Variants in MLPH observed in about 807,000 individuals in gnomAD.
MLPH encodes melanophilin.
In MLPH, 51 loss-of-function variants were observed where a neutral mutation model predicts 72.1. The observed-to-expected ratio is 0.71, with a 90% CI of 0.56 to 0.89. The LOEUF (loss-of-function observed/expected upper bound fraction) is 0.89, where lower values mean the gene tolerates loss of function less well. Ranked by LOEUF, MLPH falls within the 40% of genes least tolerant of loss-of-function variation. The probability of loss-of-function intolerance (pLI) is 0.00; values close to 1 mark genes in which losing one functional copy is unlikely to be tolerated. For synonymous variants in MLPH, 301 were observed against 310.1 expected, an observed-to-expected ratio of 0.97 and a Z score of 0.31; for missense variants, 743 against 759.9, an observed-to-expected ratio of 0.98 and a Z score of 0.26.
At chr2:237,501,469 A>G (rs1430960390) in intron 2 of MLPH, among the ~76,000 whole-genome samples, 6 of 151,964 alleles carry the variant, frequency 3.9e-5, no homozygotes, top group Non-Finnish European at 8.8e-5. Flanking sequence ...GTATTGGTGT[A>G]TTGTCTCGTA....
At chr2:237,546,734 G>T (rs763796207) in intron 13 of MLPH, 51 bp downstream of exon 13, 1 of 1,496,728 alleles carries the variant, frequency 6.7e-7, no homozygotes, top group Non-Finnish European at 9.3e-7. Flanking sequence ...GTGGAAGACT[G>T]CACCCCTTTC....
At chr2:237,538,521 G>A (rs192279754) in intron 9 of MLPH, among the ~76,000 whole-genome samples, 46 of 152,330 alleles carry the variant, frequency 3.0e-4, no homozygotes, top group African/African-American at 1.1e-3. Context: ...AGAATCGGCA[G>A]CAGTCCATGC....
intron 8 of MLPH, among the ~76,000 whole-genome samples, chr2:237,530,633 C>G (rs1050745694): frequency 6.6e-6 from 1 of 152,216 alleles, no homozygotes; most frequent in African/African-American, 2.4e-5. Flanking sequence ...AAGAAGCACT[C>G]TTGCCCCTGA....
At chr2:237,536,879 G>A (rs1373302424) in intron 9 of MLPH, among the ~76,000 whole-genome samples, 4 of 152,166 alleles carry the variant, frequency 2.6e-5, no homozygotes, top group South Asian at 2.1e-4. Flanking sequence ...AGCCACCCTC[G>A]CTCTGGCTCT....
At chr2:237,552,093 G>A (rs1468405390) in intron 14 of MLPH, 1 of 488,336 alleles carries the variant, frequency 2.0e-6, no homozygotes, top group Non-Finnish European at 3.7e-6. Context: ...GGATTTCCAG[G>A]GCCACAGTGA....
chr2:237,504,417 C>T (rs1206690002), intron 2 of MLPH, among the ~76,000 whole-genome samples: 1 of 152,036 alleles, frequency 6.6e-6, no homozygotes, highest in Non-Finnish European at 1.5e-5. Context: ...GGGGATTCAC[C>T]ATGTTGGCCA....
At chr2:237,518,117 G>T (rs2080090924) in intron 4 of MLPH, 1 of 322,930 alleles carries the variant, frequency 3.1e-6, no homozygotes, top group Non-Finnish European at 6.0e-6. Flanking sequence ...GGATGAAGGA[G>T]GGATGGAGGG....
rs1574849765 is a variant in MLPH at position 237,510,598 on chromosome 2, G to A, written c.135G>A (p.Lys45=). The A allele has an allele frequency of 6.2e-7, 1 of 1,613,470 alleles. No homozygotes were observed. The highest frequency in any genetic ancestry group is 2.2e-5 in the East Asian group (1 of 44,874). Residue 45 remains lysine, a synonymous_variant, in exon 3 of 16, where the codon AAG becomes AAA. Coordinates refer to ENST00000264605, the MANE Select transcript of MLPH (RefSeq NM_024101.7). This position sits in a 1 kb window ranked among gnomAD's most constrained non-coding sequence, Gnocchi z 4.4. ...RLEALKGKIK[K]ESSKRELLSD... is the part of the protein sequence containing the mutation. Reference sequence around the variant, plus strand: ...GGGCGTTGAAGGGCAAGATTAAGAAGGAAAGCTCCAAGAGGGAGCTGCTTT... The same window carrying A: ...GGGCGTTGAAGGGCAAGATTAAGAAAGAAAGCTCCAAGAGGGAGCTGCTTT...
intron 6 of MLPH, among the ~76,000 whole-genome samples, chr2:237,523,973 A>G (rs1435325880): frequency 6.6e-6 from 1 of 152,120 alleles, no homozygotes; most frequent in African/African-American, 2.4e-5. Flanking sequence ...TGTGCTGATT[A>G]TTAGTGTCAG....
At chr2:237,542,502 C>A in intron 11 of MLPH, 65 bp from the exon 12 acceptor site, 2 of 1,341,224 alleles carry the variant, frequency 1.5e-6, no homozygotes, top group Non-Finnish European at 2.1e-6. Flanking sequence ...TCTTTCTGTC[C>A]ATGACTTTGA....
Position 237,512,521 on chromosome 2 carries a change from G to A in MLPH, c.445+1420G>A, listed in dbSNP as rs1029444201. Reference sequence around the variant, plus strand: ...CTGATAACATGCTGCAACAACAGATGTGACTAGGAACGGCCGGTGACATGG... The same window carrying A: ...CTGATAACATGCTGCAACAACAGATATGACTAGGAACGGCCGGTGACATGG... On this transcript the variant is annotated intron_variant, in intron 4 of 15. Coordinates refer to ENST00000264605, the MANE Select transcript of MLPH (RefSeq NM_024101.7). This position sits in a 1 kb window ranked among gnomAD's most constrained non-coding sequence, Gnocchi z 5.5. Among the ~76,000 whole-genome samples, 6 of 152,132 alleles carry A rather than the reference G, an allele frequency of 3.9e-5. No homozygotes were observed. The highest frequency in any genetic ancestry group is 1.4e-4 in the African/African-American group (6 of 41,430).
intron 2 of MLPH, among the ~76,000 whole-genome samples, chr2:237,495,607 G>A (rs2079518939): frequency 6.6e-6 from 1 of 152,216 alleles, no homozygotes; most frequent in Non-Finnish European, 1.5e-5. Flanking sequence ...AGCCCCACAT[G>A]GAGCAGGAGG....
intron 9 of MLPH, among the ~76,000 whole-genome samples, chr2:237,535,846 A>T (rs2080519783): frequency 6.6e-6 from 1 of 152,192 alleles, no homozygotes; most frequent in African/African-American, 2.4e-5. Flanking sequence ...ACAGCTTACT[A>T]ATTCCGAGGA....
chr2:237,524,540 C>T (rs994281072), intron 6 of MLPH, among the ~76,000 whole-genome samples: 1 of 151,998 alleles, frequency 6.6e-6, no homozygotes, highest in Non-Finnish European at 1.5e-5. Flanking sequence ...TATTCACTGG[C>T]GGCTGATTAG....
At position 237,553,376 on chromosome 2, in the gene MLPH, T is replaced by C. The variant is rs1408947865; in HGVS notation, c.1777-190T>C. 1.3e-5 allele frequency: 9 copies of C among 676,394 alleles called. No individual in the cohort carries two copies. In the East Asian group the frequency reaches 2.4e-4, roughly 18 times the overall value. 41.9% of individuals were successfully genotyped at this position (676,394 alleles called of 1,614,324 possible). ...AAGTCAGCACGAATTGGCCTTAGGT[T>C]CCCTGCCTCCAGACCCTATTCTCTT... is the stretch of plus-strand genomic sequence containing the variant. On this transcript the variant is annotated intron_variant, in intron 15 of 15. Coordinates refer to ENST00000264605, the MANE Select transcript of MLPH (RefSeq NM_024101.7).
intron 4 of MLPH, among the ~76,000 whole-genome samples, chr2:237,513,593 A>T (rs1295495091): frequency 6.6e-6 from 1 of 151,946 alleles, no homozygotes; most frequent in East Asian, 1.9e-4. Flanking sequence ...ACTTGATCAG[A>T]TAGGTAGGAT....
chr2:237,509,013 A>G (rs1445206177), intron 2 of MLPH, among the ~76,000 whole-genome samples: 2 of 152,168 alleles, frequency 1.3e-5, no homozygotes, highest in African/African-American at 4.8e-5. Flanking sequence ...GGTCAACCCA[A>G]TTAGCAGAGT....
intron 14 of MLPH, among the ~76,000 whole-genome samples, chr2:237,551,776 G>A (rs1023083209): frequency 1.2e-4 from 18 of 152,076 alleles, no homozygotes; most frequent in African/African-American, 4.1e-4. Flanking sequence ...TCAGGAGTTC[G>A]AGACCAGCCT....
In MLPH at chr2:237,541,482, G is replaced by A. The variant is rs1043748288; in HGVS notation, c.1446+525G>A. 6.6e-6 allele frequency among the ~76,000 whole-genome samples: 1 copy of A among 152,208 alleles called. No individual in the cohort carries two copies. Among genetic ancestry groups the A allele is most frequent in the Non-Finnish European group, 1.5e-5 (1 of 68,034 alleles). Reference sequence around the variant, plus strand: ...GTCCTCCCTGGAGACCTACAGAGAGGAGAGGGGGTGCCTCTCGGACTGTGA... The same window carrying A: ...GTCCTCCCTGGAGACCTACAGAGAGAAGAGGGGGTGCCTCTCGGACTGTGA... On this transcript the variant is annotated intron_variant, in intron 11 of 15. Coordinates refer to ENST00000264605, the MANE Select transcript of MLPH (RefSeq NM_024101.7). The surrounding 1 kb of genome is among the most constrained non-coding windows in gnomAD (Gnocchi z 5.1).
Sources: gnomAD v4.1 joint callset for allele counts (sites outside exome capture counted in the v4.1 genomes callset) on GRCh38, gnomAD v4.1.1 for gene constraint, Gnocchi (gnomAD v3.1) non-coding constraint, MANE v1.5 for transcripts, NCBI Gene and HGNC (gene_info 2026-07-23, HGNC 2026-07-21) for gene names.